ADAM10: variants seen among roughly 807,000 people sequenced by gnomAD.
ADAM10 encodes disintegrin and metalloproteinase domain-containing protein 10.
A neutral mutation model predicts 90.1 loss-of-function variants in ADAM10; 17 were observed. The ratio of observed to expected loss-of-function variants is 0.19; its 90% CI spans 0.13 to 0.28. The LOEUF is 0.28. Ranked by LOEUF, ADAM10 falls within the 10% of genes least tolerant of loss-of-function variation. The pLI is 1.00. For synonymous variants in ADAM10, 310 were observed against 298.6 expected, an observed-to-expected ratio of 1.04 and a Z score of -0.40; for missense variants, 610 against 914.3, an observed-to-expected ratio of 0.67 and a Z score of 4.29.
At chr15:58,735,218 C>T (rs1899390005) in intron 1 of ADAM10, among the ~76,000 whole-genome samples, 1 of 152,156 alleles carries the variant, frequency 6.6e-6, no homozygotes, top group South Asian at 2.1e-4. Flanking sequence ...TTCCAAGCTG[C>T]CTAATCGTTT....
At chr15:58,678,339 T>C (rs537695423) in intron 4 of ADAM10, among the ~76,000 whole-genome samples, 10 of 152,250 alleles carry the variant, frequency 6.6e-5, no homozygotes, top group South Asian at 2.1e-4. Context: ...AATAAAATCA[T>C]TGACAATAAA....
At chr15:58,710,726 ATTTTTG>A (rs1898447054) in intron 2 of ADAM10, among the ~76,000 whole-genome samples, 1 of 152,188 alleles carries the variant, frequency 6.6e-6, no homozygotes, top group African/African-American at 2.4e-5. Flanking sequence ...TATTTTTTAA[ATTTTTG>A]TTTTTAAACA....
chr15:58,708,675 G>T (rs1228549205), intron 2 of ADAM10, among the ~76,000 whole-genome samples: 3 of 152,092 alleles, frequency 2.0e-5, no homozygotes, highest in Non-Finnish European at 2.9e-5. Context: ...CCTGGCAATT[G>T]ATACTGGCAT....
At chr15:58,647,516 G>A (rs920611754) in intron 5 of ADAM10, among the ~76,000 whole-genome samples, 1 of 150,792 alleles carries the variant, frequency 6.6e-6, no homozygotes, top group Non-Finnish European at 1.5e-5. Flanking sequence ...CGCCCGCCTC[G>A]GCCTCCCAAA....
intron 2 of ADAM10, chr15:58,692,761 G>C (rs1452688377): frequency 1.5e-5 from 9 of 603,698 alleles, no homozygotes; most frequent in Non-Finnish European, 2.6e-5. Context: ...ATTGTGCTTT[G>C]TGATGGCTAC....
intron 5 of ADAM10, among the ~76,000 whole-genome samples, chr15:58,655,725 A>G (rs1425447018): frequency 1.0e-5 from 1 of 97,268 alleles, no homozygotes; most frequent in African/African-American, 3.7e-5. Flanking sequence ...ATATATATAT[A>G]TATATATATA....
chr15:58,628,525 G>C (rs1479571223), intron 9 of ADAM10, among the ~76,000 whole-genome samples: 3 of 152,136 alleles, frequency 2.0e-5, no homozygotes, highest in Admixed American at 2.0e-4. Context: ...ATGCACATAA[G>C]TGGTGTTCGG....
At position 58,610,601 on chromosome 15, in the gene ADAM10, G is replaced by C. The variant is rs1895411874; in HGVS notation, c.1805-84C>G. 4.3e-6 allele frequency: 6 copies of C among 1,399,878 alleles called. No homozygotes were observed. The Admixed American group carries it at 7.6e-5, about 18-fold the overall frequency. The allele number at this position is 1,399,878 out of a possible 1,614,324, so 86.7% of individuals were successfully genotyped here. A position where few individuals can be genotyped will look rare whatever the true frequency, so the allele number is the denominator to read the frequency against. ...AGATTTCCAGTTGTGCAAATACAAA[G>C]AGGGAAAAAAAACTGAAATCATTAC... is the stretch of plus-strand genomic sequence containing the variant. On this transcript the variant is annotated intron_variant, in intron 13 of 15. Coordinates refer to ENST00000260408, the MANE Select transcript of ADAM10 (RefSeq NM_001110.4).
chr15:58,673,166 G>C (rs987394783), intron 4 of ADAM10, among the ~76,000 whole-genome samples: 2 of 152,186 alleles, frequency 1.3e-5, no homozygotes, highest in African/African-American at 4.8e-5. Flanking sequence ...AGGACAGACA[G>C]ACGGACAGAC....
At chr15:58,601,552 G>C (rs574416990) in intron 14 of ADAM10, among the ~76,000 whole-genome samples, 1 of 151,684 alleles carries the variant, frequency 6.6e-6, no homozygotes, top group East Asian at 1.9e-4. Context: ...TGTTACTCTT[G>C]AACATTTTAG....
chr15:58,668,259 CA>C (rs1174200803), intron 4 of ADAM10, among the ~76,000 whole-genome samples: 1 of 152,030 alleles, frequency 6.6e-6, no homozygotes. Context: ...ATTAGGCACT[CA>C]AAAAATGTTT....
chr15:58,605,309 T>C (rs750486910), intron 14 of ADAM10, among the ~76,000 whole-genome samples: 1 of 152,234 alleles, frequency 6.6e-6, no homozygotes, highest in Non-Finnish European at 1.5e-5. Context: ...TGAGATGTTT[T>C]AGTGCCAATG....
Position 58,627,773 on chromosome 15 carries a change from G to A in ADAM10, c.1287C>T (p.Asn429=), listed in dbSNP as rs1566972368. Residue 429 remains asparagine, a synonymous_variant, in exon 10 of 16, where the codon AAC becomes AAT. Coordinates refer to ENST00000260408, the MANE Select transcript of ADAM10 (RefSeq NM_001110.4). ...TAATACTACAGAGTGAGAATTTATT[G>A]TTGTTAAGTTTGTCCCCAGATGTTG... ...ARATSGDKLN[N]NKFSLCSIRN... 6.2e-7 allele frequency: 1 copy of A among 1,613,472 alleles called. No homozygotes were observed. Among genetic ancestry groups the A allele is most frequent in the African/African-American group, 1.3e-5 (1 of 75,030 alleles).
chr15:58,641,038 G>A, intron 7 of ADAM10, 78 bp from the exon 8 acceptor site: 3 of 1,326,450 alleles, frequency 2.3e-6, no homozygotes, highest in Non-Finnish European at 3.2e-6. Flanking sequence ...ACCTTCTTCT[G>A]CGTACACCTG....
intron 2 of ADAM10, among the ~76,000 whole-genome samples, chr15:58,695,904 G>A (rs1468745652): frequency 6.6e-6 from 1 of 152,108 alleles, no homozygotes; most frequent in Non-Finnish European, 1.5e-5. Flanking sequence ...ATCACCGGAG[G>A]TCAGGAGTTC....
chr15:58,647,560 G>A (rs1178683364), intron 5 of ADAM10, among the ~76,000 whole-genome samples: 1 of 150,034 alleles, frequency 6.7e-6, no homozygotes, highest in Non-Finnish European at 1.5e-5. Flanking sequence ...CCCCCGCCAA[G>A]TATTTCTTTT....
At chr15:58,688,438 C>T (rs1435499376) in intron 2 of ADAM10, among the ~76,000 whole-genome samples, 2 of 115,756 alleles carry the variant, frequency 1.7e-5, no homozygotes, top group African/African-American at 4.6e-5. Context: ...TTAAAAACCA[C>T]AAACTATTAA....
At chr15:58,726,703 A>G (rs1899042623) in intron 1 of ADAM10, among the ~76,000 whole-genome samples, 2 of 151,956 alleles carry the variant, frequency 1.3e-5, no homozygotes, top group African/African-American at 4.8e-5. Context: ...TAATTACATT[A>G]AAAGTAAATG....
Position 58,590,866 on chromosome 15 carries a change from A to G in ADAM10, c.*6681T>C, listed in dbSNP as rs1894809892. On this transcript the variant is annotated 3_prime_UTR_variant, in exon 16 of 16. Coordinates refer to ENST00000260408, the MANE Select transcript of ADAM10 (RefSeq NM_001110.4). ...ATTCATGCAAATGGAACCACTTTTT[A>G]TATAAGACAACCTACACTCTTATCA... 1 of 152,230 alleles carries G rather than the reference A, an allele frequency of 6.6e-6. No homozygotes were observed. The highest frequency in any genetic ancestry group is 2.4e-5 in the African/African-American group (1 of 41,456). The allele number at this position is 152,230 out of a possible 1,614,324, so 9.4% of individuals were successfully genotyped here. A position where few individuals can be genotyped will look rare whatever the true frequency, so the allele number is the denominator to read the frequency against.
Sources: gnomAD v4.1 joint callset for allele counts (sites outside exome capture counted in the v4.1 genomes callset) on GRCh38, gnomAD v4.1.1 for gene constraint, MANE v1.5 for transcripts, NCBI Gene and HGNC (gene_info 2026-07-23, HGNC 2026-07-21) for gene names.